Variants in SYT14 observed in about 807,000 individuals in gnomAD.
SYT14 encodes the protein synaptotagmin 14.
In SYT14, 32 loss-of-function variants were observed where a neutral mutation model predicts 74.2. That is an observed-to-expected ratio of 0.43 (90% CI 0.33 to 0.58). SYT14 has a LOEUF of 0.58. Among genes scored for constraint, SYT14 ranks in the 20% least tolerant of loss-of-function variants. SYT14 has a pLI of 0.05. For missense variants in SYT14, 791 were observed against 981.8 expected (o/e 0.81, Z 2.60); for synonymous variants, 298 against 337.7 (o/e 0.88, Z 1.29).
chr1:210,056,728 AG>A (rs2102398339), intron 5 of SYT14, among the ~76,000 whole-genome samples: 1 of 149,280 alleles, frequency 6.7e-6, no homozygotes, highest in African/African-American at 2.4e-5. Flanking sequence ...CAGGAGGCTG[AG>A]GCAGGAGAAT....
chr1:210,128,579 T>A (rs1033098458), intron 7 of SYT14, among the ~76,000 whole-genome samples: 1 of 152,226 alleles, frequency 6.6e-6, no homozygotes, highest in Admixed American at 6.5e-5. Context: ...TCTTTAAAAA[T>A]CAATATTTAA....
chr1:210,079,814 A>T (rs1024633918), intron 5 of SYT14, among the ~76,000 whole-genome samples: 1 of 152,212 alleles, frequency 6.6e-6, no homozygotes, highest in African/African-American at 2.4e-5. Context: ...TGAGGCTGCA[A>T]TGCAAGGAGG....
exon 4 of SYT14, chr1:210,017,073 A>G (rs894562767): frequency 4.9e-6 from 6 of 1,231,634 alleles, no homozygotes; most frequent in Non-Finnish European, 6.1e-6. Flanking sequence ...AAAGATGAAA[A>G]ATATTCTAAG....
chr1:209,961,358 T>G (rs923797434), intron 2 of SYT14, among the ~76,000 whole-genome samples: 1 of 152,162 alleles, frequency 6.6e-6, no homozygotes, highest in African/African-American at 2.4e-5. Flanking sequence ...ATAGTTCTAA[T>G]TGTCCAGAGT....
At chr1:210,097,005 A>G (rs988360996) in intron 6 of SYT14, among the ~76,000 whole-genome samples, 2 of 152,236 alleles carry the variant, frequency 1.3e-5, no homozygotes, top group Non-Finnish European at 2.9e-5. Flanking sequence ...AGAAGCTGCT[A>G]ACTTGCTATC....
At position 210,059,441 on chromosome 1, in the gene SYT14, T is replaced by TAG. The variant is rs1175419124; in HGVS notation, c.1313-34880_1313-34879insGA. Among the ~76,000 whole-genome samples the TAG allele has an allele frequency of 8.0e-4, 74 of 93,074 alleles. No homozygotes were observed. In the Middle Eastern group the frequency reaches 0.023, roughly 29 times the overall value. 61.1% of individuals were successfully genotyped at this position (93,074 alleles called of 152,430 possible). On this transcript the variant is annotated intron_variant, in intron 5 of 9. Coordinates refer to ENST00000637265, the Ensembl canonical transcript of SYT14. ...TGACAAGAAAGAATATATATATATA[T>TAG]ATATATATATAGAGAGAGAGAGAGA...
intron 7 of SYT14, among the ~76,000 whole-genome samples, chr1:210,153,678 C>T (rs1230793264): frequency 1.3e-5 from 2 of 152,096 alleles, no homozygotes; most frequent in Admixed American, 6.5e-5. Context: ...GTAATCTGCA[C>T]ATAAGGGCTT....
chr1:210,017,791 G>A (rs989482976), intron 4 of SYT14, among the ~76,000 whole-genome samples: 1 of 152,096 alleles, frequency 6.6e-6, no homozygotes, highest in Admixed American at 6.5e-5. Flanking sequence ...TTCATTAGCA[G>A]CTCATACTGC....
In SYT14 at chr1:209,988,796, G is replaced by GT. The variant is rs1354472012; in HGVS notation, c.-485-24830dup. On this transcript the variant is annotated intron_variant, in intron 2 of 9. Transcript: ENST00000637265. ...GTCTTCCCTCTAATCCTCTTAGGCA[G>GT]TTTTTTTCCCAGCCTCTGATTGTTT... Among the ~76,000 whole-genome samples, 4 of 152,250 alleles carry GT rather than the reference G, an allele frequency of 2.6e-5. No homozygotes were observed. The East Asian group carries it at 7.7e-4, about 29-fold the overall frequency.
chr1:210,162,108 A>C, exon 10 of SYT14: 1 of 436,826 alleles, frequency 2.3e-6, no homozygotes, highest in Admixed American at 2.4e-5. Context: ...AAGACTATCC[A>C]GTTCTCAGTT....
intron 5 of SYT14, among the ~76,000 whole-genome samples, chr1:210,051,632 A>T (rs2080998618): frequency 6.6e-6 from 1 of 152,126 alleles, no homozygotes; most frequent in Admixed American, 6.5e-5. Context: ...ATAGAATACT[A>T]CATATGTGTG....
chr1:210,111,380 C>T (rs1447964604), intron 7 of SYT14, among the ~76,000 whole-genome samples: 1 of 151,700 alleles, frequency 6.6e-6, no homozygotes, highest in Non-Finnish European at 1.5e-5. Flanking sequence ...CGGCCATTTT[C>T]ACTTCTTTTG....
chr1:210,021,262 G>A lies in SYT14; in HGVS notation c.1312+8G>A, dbSNP rs767497810. Reference sequence around the variant, plus strand: ...AAGCATCAATAGATGAAGGTAAGATGGGCTGTTTTATTTTTTTTACATGAC... The same window carrying A: ...AAGCATCAATAGATGAAGGTAAGATAGGCTGTTTTATTTTTTTTACATGAC... On this transcript the variant is annotated splice_region_variant and intron_variant, in intron 5 of 9. Transcript: ENST00000637265. 2 of 1,611,744 alleles carry A rather than the reference G, an allele frequency of 1.2e-6. No individual in the cohort carries two copies. The highest frequency in any genetic ancestry group is 2.2e-5 in the South Asian group (2 of 90,976).
intron 3 of SYT14, among the ~76,000 whole-genome samples, chr1:210,014,659 T>G (rs1449278056): frequency 1.3e-5 from 2 of 152,090 alleles, no homozygotes; most frequent in African/African-American, 4.8e-5. Context: ...AAGACTCTAT[T>G]AGTTATTGAA....
At chr1:210,032,666 A>AC (rs398103647) in intron 5 of SYT14, among the ~76,000 whole-genome samples, 16 of 151,260 alleles carry the variant, frequency 1.1e-4, no homozygotes, top group African/African-American at 3.9e-4. Flanking sequence ...AAAAAAAAAA[A>AC]CCCATCATTG....
At position 210,125,273 on chromosome 1, in the gene SYT14, A is replaced by G. The variant is rs373529140; in HGVS notation, c.2034+24812A>G. On this transcript the variant is annotated intron_variant, in intron 7 of 9. Coordinates refer to ENST00000637265, the Ensembl canonical transcript of SYT14. ...GTTGTTTCCATCTTTATGTGTACCC[A>G]TTATTTAGTTCCCACTTACAAGTGA... is the stretch of plus-strand genomic sequence containing the variant. Among the ~76,000 whole-genome samples, 198 of 118,654 alleles carry G rather than the reference A, an allele frequency of 1.7e-3. 8 individuals carry two copies. The South Asian group carries it at 0.052, about 31-fold the overall frequency. The allele number at this position is 118,654 out of a possible 152,430, so 77.8% of individuals were successfully genotyped here. A position where few individuals can be genotyped will look rare whatever the true frequency, so the allele number is the denominator to read the frequency against.
chr1:210,052,389 G>A (rs868064559), intron 5 of SYT14, among the ~76,000 whole-genome samples: 1 of 151,906 alleles, frequency 6.6e-6, no homozygotes, highest in African/African-American at 2.4e-5. Flanking sequence ...CAGACCTGGC[G>A]CAGTGGTTCA....
At chr1:209,967,953 T>C (rs1401374714) in intron 2 of SYT14, among the ~76,000 whole-genome samples, 1 of 152,090 alleles carries the variant, frequency 6.6e-6, no homozygotes, top group Non-Finnish European at 1.5e-5. Context: ...ATTAAATTCA[T>C]AGAAAACATT....
chr1:210,084,020 G>GA (rs1486840545), intron 5 of SYT14, among the ~76,000 whole-genome samples: 4 of 152,204 alleles, frequency 2.6e-5, no homozygotes, highest in African/African-American at 9.6e-5. Context: ...GATAATTTTT[G>GA]AAAATCTATA....
Sources: gnomAD v4.1 joint callset for allele counts (sites outside exome capture counted in the v4.1 genomes callset) on GRCh38, gnomAD v4.1.1 for gene constraint, MANE v1.5 for transcripts, NCBI Gene and HGNC (gene_info 2026-07-23, HGNC 2026-07-21) for gene names.